NPTN: variants seen among roughly 807,000 people sequenced by gnomAD.
NPTN encodes SDR-1.
NPTN carries 5 observed loss-of-function variants against 42.7 expected under a neutral mutation model. The ratio of observed to expected loss-of-function variants is 0.12; its 90% CI spans 0.06 to 0.25. NPTN has a LOEUF of 0.25. Ranked by LOEUF, NPTN falls within the 10% of genes least tolerant of loss-of-function variation. NPTN has a pLI of 1.00. For synonymous variants in NPTN, 180 were observed against 201.9 expected (o/e 0.89, Z 0.92); for missense variants, 307 against 525.4 (o/e 0.58, Z 4.06).
At chr15:73,572,774 G>C (rs973834187) in intron 5 of NPTN, among the ~76,000 whole-genome samples, 14 of 152,138 alleles carry the variant, frequency 9.2e-5, no homozygotes, top group African/African-American at 3.1e-4. Context: ...AATTAGGCTC[G>C]GTTCTTTCAG....
intron 1 of NPTN, among the ~76,000 whole-genome samples, chr15:73,604,940 C>T (rs1363725912): frequency 6.6e-6 from 1 of 151,932 alleles, no homozygotes; most frequent in Non-Finnish European, 1.5e-5. Flanking sequence ...AATCCTGTCT[C>T]TACCAAAAAT....
intron 1 of NPTN, among the ~76,000 whole-genome samples, chr15:73,623,605 T>C (rs913707658): frequency 1.3e-5 from 2 of 152,198 alleles, no homozygotes; most frequent in African/African-American, 4.8e-5. Context: ...GAGGATCACC[T>C]GAGCCTGGAA....
At chr15:73,633,062 G>C in intron 1 of NPTN, 63 bp downstream of exon 1, 3 of 1,200,466 alleles carry the variant, frequency 2.5e-6, no homozygotes, top group Non-Finnish European at 3.3e-6. Context: ...GGCCAGAGCC[G>C]GGCCCCCTCC....
Position 73,561,218 on chromosome 15 carries a change from G to C in NPTN, c.*15-170C>G, listed in dbSNP as rs1894642208. Reference sequence around the variant, plus strand: ...GACATTCTGGCCCTGCTGCTACCTGGCCATTCTTGTCTTGCCCCCAGACGT... The same window carrying C: ...GACATTCTGGCCCTGCTGCTACCTGCCCATTCTTGTCTTGCCCCCAGACGT... On this transcript the variant is annotated intron_variant, in intron 8 of 8. Transcript: ENST00000345330. 2.6e-5 allele frequency among the ~76,000 whole-genome samples: 4 copies of C among 152,196 alleles called. No individual in the cohort carries two copies. The South Asian group carries it at 8.3e-4, about 32-fold the overall frequency.
chr15:73,569,380 G>A lies in NPTN; in HGVS notation c.1114+770C>T. 2.0e-6 allele frequency: 2 copies of A among 985,606 alleles called. No individual in the cohort carries two copies. The highest frequency in any genetic ancestry group is 2.4e-6 in the Non-Finnish European group (2 of 830,082). 61.1% of individuals were successfully genotyped at this position (985,606 alleles called of 1,614,324 possible). A position where few individuals can be genotyped will look rare whatever the true frequency, so the allele number is the denominator to read the frequency against. On this transcript the variant is annotated intron_variant, in intron 6 of 8. Transcript: ENST00000345330. This position sits in a 1 kb window ranked among gnomAD's most constrained non-coding sequence, Gnocchi z 4.1. ...GATTTCAGCTCTTGCTCTTTCCAGT[G>A]CTCAGTGGTGTGCTGTGGTTCTGCT...
intron 4 of NPTN, among the ~76,000 whole-genome samples, chr15:73,581,836 C>T (rs1896060839): frequency 6.8e-6 from 1 of 147,818 alleles, no homozygotes; most frequent in African/African-American, 2.5e-5. Context: ...ATATGGTGCT[C>T]TTTTTTTTTT....
chr15:73,577,903 CTCT>C (rs1476667037), intron 4 of NPTN, among the ~76,000 whole-genome samples: 1 of 152,146 alleles, frequency 6.6e-6, no homozygotes, highest in East Asian at 1.9e-4. Context: ...TCCTTAGAAA[CTCT>C]GCTCCCTGAA....
chr15:73,618,848 CA>C (rs897803008), intron 1 of NPTN, among the ~76,000 whole-genome samples: 13 of 151,750 alleles, frequency 8.6e-5, no homozygotes, highest in Admixed American at 8.5e-4. Flanking sequence ...CAAAACAAAA[CA>C]AAAACACCTC....
At chr15:73,619,623 T>C (rs972214586) in intron 1 of NPTN, among the ~76,000 whole-genome samples, 1 of 152,314 alleles carries the variant, frequency 6.6e-6, no homozygotes, top group Admixed American at 6.5e-5. Flanking sequence ...ACTGAAATAG[T>C]TTGGAATAAG....
At chr15:73,624,941 A>C (rs1026907178) in intron 1 of NPTN, among the ~76,000 whole-genome samples, 5 of 152,256 alleles carry the variant, frequency 3.3e-5, no homozygotes, top group African/African-American at 9.6e-5. Context: ...AAAAGGAAAA[A>C]AAATCGCTAT....
chr15:73,606,090 T>C (rs1897285750), intron 1 of NPTN, among the ~76,000 whole-genome samples: 1 of 152,112 alleles, frequency 6.6e-6, no homozygotes, highest in Non-Finnish European at 1.5e-5. Flanking sequence ...TGCTAGCCAC[T>C]TGCAGGCTTT....
chr15:73,613,462 T>C (rs1897691790), intron 1 of NPTN, among the ~76,000 whole-genome samples: 2 of 152,186 alleles, frequency 1.3e-5, no homozygotes, highest in Admixed American at 6.5e-5. Flanking sequence ...CCTCTCTTGA[T>C]TTTAAATGGT....
At chr15:73,575,174 G>C (rs1221665465) in intron 4 of NPTN, among the ~76,000 whole-genome samples, 5 of 152,178 alleles carry the variant, frequency 3.3e-5, no homozygotes, top group African/African-American at 7.2e-5. Flanking sequence ...GGAGAGATGG[G>C]GTTTCATCAT....
rs1211655996 is a variant in NPTN, at chr15:73,561,943, TTTGTGA to T, written c.1158_1163del (p.Asn386_His387del). 6.3e-7 allele frequency: 1 copy of T among 1,596,032 alleles called. No homozygotes were observed. Among genetic ancestry groups the T allele is most frequent in the East Asian group, 2.3e-5 (1 of 44,228 alleles). On this transcript the variant is annotated inframe_deletion, in exon 8 of 9. Coordinates refer to ENST00000345330, the MANE Select transcript of NPTN (RefSeq NM_012428.4). ...TGTTTCTCTGGCGCAAGTTTTTATC[TTTGTGA>T]TTGTTGGTAGAGTTGGTTTTCCTTT... is the stretch of plus-strand genomic sequence containing the variant.
At chr15:73,573,548 A>AC in intron 5 of NPTN, 114 bp downstream of exon 5, 1 of 1,200,532 alleles carries the variant, frequency 8.3e-7, no homozygotes, top group South Asian at 1.7e-5. Flanking sequence ...AGAAAGGGTG[A>AC]CCCTCGCCAT....
At chr15:73,611,386 TC>T (rs528806040) in intron 1 of NPTN, among the ~76,000 whole-genome samples, 5 of 152,076 alleles carry the variant, frequency 3.3e-5, no homozygotes, top group African/African-American at 1.2e-4. Context: ...AAAATACTAT[TC>T]AATGCAAAAA....
At chr15:73,617,443 C>T (rs1897916940) in intron 1 of NPTN, among the ~76,000 whole-genome samples, 1 of 152,196 alleles carries the variant, frequency 6.6e-6, no homozygotes, top group Non-Finnish European at 1.5e-5. Flanking sequence ...ATTCATCCTT[C>T]CTAACTAACC....
chr15:73,628,053 T>C (rs1898521607), intron 1 of NPTN, among the ~76,000 whole-genome samples: 1 of 152,174 alleles, frequency 6.6e-6, no homozygotes, highest in Admixed American at 6.5e-5. Flanking sequence ...AAATGCATTA[T>C]CTAAGGTGCT....
At chr15:73,604,264 G>T (rs1897197029) in intron 1 of NPTN, among the ~76,000 whole-genome samples, 1 of 152,186 alleles carries the variant, frequency 6.6e-6, no homozygotes, top group Non-Finnish European at 1.5e-5. Flanking sequence ...AAGAGCTCGA[G>T]ACCGGCCTGG....
Sources: allele counts gnomAD v4.1 joint callset (sites outside exome capture counted in the v4.1 genomes callset), GRCh38; gene constraint gnomAD v4.1.1; non-coding constraint Gnocchi (gnomAD v3.1); transcripts MANE v1.5; gene names NCBI Gene and HGNC (gene_info 2026-07-23, HGNC 2026-07-21).